Variants in TMC3 observed in about 807,000 individuals in gnomAD.
TMC3 encodes the protein transmembrane channel like 3, also known as transmembrane channel-like protein 3.
A neutral mutation model predicts 110.6 loss-of-function variants in TMC3; 98 were observed. The ratio of observed to expected loss-of-function variants is 0.89; its 90% confidence interval spans 0.75 to 1.05. The LOEUF is 1.05. TMC3 is among the 50% of genes least tolerant of loss of function. TMC3 has a pLI of 0.00. For missense variants in TMC3, 1,319 were observed against 1,373.2 expected (o/e 0.96, Z 0.62); for synonymous variants, 489 against 513.1 (o/e 0.95, Z 0.63).
At chr15:81,360,012 A>G (rs1178420717) in intron 4 of TMC3, among the ~76,000 whole-genome samples, 1 of 152,168 alleles carries the variant, frequency 6.6e-6, no homozygotes, top group Non-Finnish European at 1.5e-5. Context: ...ACAAATTTAT[A>G]TCTATTGAGA....
rs201446750 is a variant in TMC3, at chr15:81,333,188, G to A, written c.2534C>T (p.Thr845Met). The change falls in exon 22 of 22, where the codon ACG (threonine) becomes ATG (methionine). Residue 845 changes from threonine (T) to methionine (M), a missense_variant. By Grantham distance (81) the Thr-to-Met change is moderately conservative. Transcript: ENST00000359440. ...TTCTGAGTGTACATCTTCGATGTGC[G>A]TTGTAAATGTCATAGGTGTGCGCGA... ...NRSRTPMTFTTHIEDVHSEPL... is the reference protein window; with the variant it reads ...NRSRTPMTFTMHIEDVHSEPL... 4.2e-5 allele frequency: 67 copies of A among 1,613,882 alleles called. No individual in the cohort carries two copies. Among genetic ancestry groups the A allele is most frequent in the Admixed American group, 3.7e-4 (22 of 60,006 alleles).
At position 81,349,579 on chromosome 15, in the gene TMC3, G is replaced by A. The variant is rs1409052127; in HGVS notation, c.1084-12C>T. 3 of 1,446,156 alleles carry A rather than the reference G, an allele frequency of 2.1e-6. No individual in the cohort carries two copies. Among genetic ancestry groups the A allele is most frequent in the African/African-American group, 1.5e-5 (1 of 68,904 alleles). The allele number at this position is 1,446,156 out of a possible 1,614,324, so 89.6% of individuals were successfully genotyped here. A position where few individuals can be genotyped will look rare whatever the true frequency, so the allele number is the denominator to read the frequency against. On this transcript the variant is annotated splice_polypyrimidine_tract_variant and intron_variant, in intron 10 of 21. Transcript: ENST00000359440. ...ACCACCACACTGACCTGCTGAGAGA[G>A]CACATGCCAGAGCCAGACATTCCCA...
At chr15:81,336,585 A>G (rs1187043151) in intron 20 of TMC3, 24 bp downstream of exon 20, 1 of 1,612,822 alleles carries the variant, frequency 6.2e-7, no homozygotes, top group Non-Finnish European at 8.5e-7. Context: ...AAAAACAACA[A>G]CAAAAAGAAA....
Position 81,359,357 on chromosome 15 carries a change from C to T in TMC3, c.501+8G>A. On this transcript the variant is annotated splice_region_variant and intron_variant, in intron 5 of 21. Transcript: ENST00000359440. ...TGTAATGAGTGGTACTTTCCTGAAA[C>T]ATCTTACCTCTGGAATGACAATAAA... 1.3e-6 allele frequency: 2 copies of T among 1,584,030 alleles called. No homozygotes were observed. Among genetic ancestry groups the T allele is most frequent in the Non-Finnish European group, 1.7e-6 (2 of 1,163,612 alleles).
chr15:81,345,779 G>C (rs1893814892), intron 12 of TMC3, among the ~76,000 whole-genome samples: 1 of 152,100 alleles, frequency 6.6e-6, no homozygotes, highest in African/African-American at 2.4e-5. Context: ...TGGAGGCTGA[G>C]ATGGGAGTAT....
rs998323365 is a variant in TMC3, at chr15:81,346,405, A to G, written c.1232T>C (p.Ile411Thr). The change falls in exon 12 of 22, where the codon ATC (isoleucine) becomes ACC (threonine). Residue 411 changes from isoleucine (I) to threonine (T), a missense_variant. By Grantham distance (89) the Ile-to-Thr change is moderately conservative. Transcript: ENST00000359440. Reference protein sequence around the residue: ...VLYLGNLYSLIIALLDKVNSM... With the variant: ...VLYLGNLYSLTIALLDKVNSM... ...GTTAACTTTGTCCAGGAGAGCAATG[A>G]TCAGGCTGTAGAGATTTCCCAAATA... The G allele has an allele frequency of 1.9e-6, 3 of 1,613,810 alleles. No homozygotes were observed. The highest frequency in any genetic ancestry group is 2.5e-6 in the Non-Finnish European group (3 of 1,179,830).
At chr15:81,347,349 C>T (rs1178173157) in intron 11 of TMC3, among the ~76,000 whole-genome samples, 2 of 152,146 alleles carry the variant, frequency 1.3e-5, no homozygotes, top group African/African-American at 2.4e-5. Flanking sequence ...CCAGGCCTTC[C>T]GCATCTCCTC....
chr15:81,371,865 G>A (rs550567370), intron 2 of TMC3, among the ~76,000 whole-genome samples: 1 of 152,342 alleles, frequency 6.6e-6, no homozygotes, highest in East Asian at 1.9e-4. Flanking sequence ...AGAGAGCTTA[G>A]TGGTTGACAT....
rs1299766808 is a variant in TMC3 at position 81,332,797 on chromosome 15, C to T, written c.2925G>A (p.Gly975=). ...CCCGGGTCTGACTTTCGGACCTCTC[C>T]CCAATATAAAAATGAGGAGCCCGAC... ...DLRRAPHFYI[G]ERSESQTRDP... Residue 975 remains glycine, a synonymous_variant, in exon 22 of 22, where the codon GGG becomes GGA. Transcript: ENST00000359440. 1.2e-6 allele frequency: 2 copies of T among 1,611,304 alleles called. No homozygotes were observed.
chr15:81,347,805 C>G (rs1389045787), intron 11 of TMC3, among the ~76,000 whole-genome samples: 2 of 152,134 alleles, frequency 1.3e-5, no homozygotes, highest in African/African-American at 4.8e-5. Context: ...GGAATTGATT[C>G]CACCCAATAC....
chr15:81,369,801 C>T (rs900166829), intron 2 of TMC3, among the ~76,000 whole-genome samples: 5 of 152,150 alleles, frequency 3.3e-5, no homozygotes, highest in Admixed American at 2.6e-4. Context: ...TGGCACATGA[C>T]TGCAGTCCCA....
intron 2 of TMC3, 143 bp from the exon 3 acceptor site, chr15:81,368,471 C>CTAAT: frequency 1.6e-6 from 1 of 617,342 alleles, no homozygotes. Context: ...AATGGAGTTA[C>CTAAT]ACAAATACTT....
chr15:81,368,512 C>A (rs1000784558), intron 2 of TMC3, among the ~76,000 whole-genome samples, 184 bp from the exon 3 acceptor site: 2 of 152,000 alleles, frequency 1.3e-5, no homozygotes, highest in African/African-American at 4.8e-5. Flanking sequence ...TCAGAAAACA[C>A]CTTAAAATTT....
chr15:81,345,664 G>A (rs1261557725), intron 12 of TMC3, among the ~76,000 whole-genome samples: 1 of 152,116 alleles, frequency 6.6e-6, no homozygotes, highest in Non-Finnish European at 1.5e-5. Flanking sequence ...GAGCCCAAGA[G>A]TTTGAGACCA....
chr15:81,363,877 C>T (rs1037738587), intron 3 of TMC3, among the ~76,000 whole-genome samples: 9 of 152,158 alleles, frequency 5.9e-5, no homozygotes, highest in African/African-American at 2.2e-4. Flanking sequence ...TTGGCAAGGG[C>T]TTGGTGTTGG....
intron 14 of TMC3, among the ~76,000 whole-genome samples, 163 bp from the exon 15 acceptor site, chr15:81,343,508 G>C (rs866274290): frequency 6.6e-6 from 1 of 152,112 alleles, no homozygotes; most frequent in Non-Finnish European, 1.5e-5. Flanking sequence ...AAAGGGGTGG[G>C]GCTGGGCATT....
Position 81,331,279 on chromosome 15 carries a change from A to G in TMC3, c.*1140T>C, listed in dbSNP as rs1893456734. On this transcript the variant is annotated 3_prime_UTR_variant, in exon 22 of 22. Transcript: ENST00000359440. The stretch of plus-strand genomic sequence containing the variant: ...TGTTCAGTCTTTTACATTTATCTAT[A>G]CTACATGTTCCACATCCCTGGGAAA... 6.6e-6 allele frequency: 1 copy of G among 152,184 alleles called. No homozygotes were observed. The highest frequency in any genetic ancestry group is 1.5e-5 in the Non-Finnish European group (1 of 68,032). The allele number at this position is 152,184 out of a possible 1,614,324, so 9.4% of individuals were successfully genotyped here. A position where few individuals can be genotyped will look rare whatever the true frequency, so the allele number is the denominator to read the frequency against.
Position 81,373,927 on chromosome 15 carries a change from C to G in TMC3, c.89+62G>C. On this transcript the variant is annotated intron_variant, in intron 1 of 21. Transcript: ENST00000359440. ...GGACTTTGTCCCTCGCTCTGGTGAC[C>G]CATGCATTCCTTCCTCACACACCTG... The G allele has an allele frequency of 4.8e-6, 7 of 1,473,684 alleles. No homozygotes were observed. In the Admixed American group the frequency reaches 1.3e-4, roughly 27 times the overall value. 91.3% of individuals were successfully genotyped at this position (1,473,684 alleles called of 1,614,324 possible). A position where few individuals can be genotyped will look rare whatever the true frequency, so the allele number is the denominator to read the frequency against.
chr15:81,335,678 C>A (rs1461483969), intron 20 of TMC3: 2 of 152,530 alleles, frequency 1.3e-5, no homozygotes, highest in East Asian at 1.9e-4. Flanking sequence ...GAGAGCTAGC[C>A]CCTAAAGCCC....
Sources: gnomAD v4.1 joint callset for allele counts (sites outside exome capture counted in the v4.1 genomes callset) on GRCh38, gnomAD v4.1.1 for gene constraint, MANE v1.5 for transcripts, NCBI Gene and HGNC (gene_info 2026-07-23, HGNC 2026-07-21) for gene names.